Variants in SH3PXD2A observed in about 807,000 individuals in gnomAD.
SH3PXD2A encodes SH3 and PX domains 2A.
A neutral mutation model predicts 115.2 loss-of-function variants in SH3PXD2A; 32 were observed. The observed-to-expected ratio is 0.28, with a 90% CI of 0.21 to 0.37. SH3PXD2A has a LOEUF of 0.37. Ranked by LOEUF, SH3PXD2A falls within the 10% of genes least tolerant of loss-of-function variation. The pLI is 1.00. For synonymous variants in SH3PXD2A, 610 were observed against 629.1 expected, an observed-to-expected ratio of 0.97 and a Z score of 0.45; for missense variants, 1,328 against 1,498.7, an observed-to-expected ratio of 0.89 and a Z score of 1.88.
At position 103,826,654 on chromosome 10, in the gene SH3PXD2A, G is replaced by A. The variant is rs528032212; in HGVS notation, c.73-25292C>T. 4.6e-5 allele frequency among the ~76,000 whole-genome samples: 7 copies of A among 152,240 alleles called. No homozygotes were observed. In the South Asian group the frequency reaches 1.2e-3, roughly 27 times the overall value. On this transcript the variant is annotated intron_variant, in intron 1 of 14. Transcript: ENST00000369774. Reference sequence around the variant, plus strand: ...GTGAGTGTAATTCCTTCCAGGTCCCGGAGCACATTTTAGAGCCGGGCACTT... The same window carrying A: ...GTGAGTGTAATTCCTTCCAGGTCCCAGAGCACATTTTAGAGCCGGGCACTT...
intron 2 of SH3PXD2A, among the ~76,000 whole-genome samples, chr10:103,797,389 C>T (rs969172124): frequency 5.3e-5 from 8 of 152,092 alleles, no homozygotes; most frequent in Admixed American, 4.6e-4. Context: ...ACCAGGTGAT[C>T]GGTGGCGGGG....
intron 6 of SH3PXD2A, among the ~76,000 whole-genome samples, chr10:103,670,501 C>T (rs2037442380): frequency 6.6e-6 from 1 of 152,230 alleles, no homozygotes; most frequent in Non-Finnish European, 1.5e-5. Context: ...TGGGTTCAAT[C>T]AGCTCTGGGG....
intron 4 of SH3PXD2A, 36 bp from the exon 5 acceptor site, chr10:103,724,397 A>G (rs984075215): frequency 7.7e-5 from 102 of 1,327,210 alleles, no homozygotes; most frequent in Non-Finnish European, 1.0e-4. Flanking sequence ...ATTAGGTGTG[A>G]TGAACTTGGG....
intron 2 of SH3PXD2A, among the ~76,000 whole-genome samples, chr10:103,783,013 C>T (rs982061971): frequency 2.0e-5 from 3 of 151,738 alleles, no homozygotes; most frequent in South Asian, 2.1e-4. Flanking sequence ...CCTTGGGGAC[C>T]TGAGGGAAGG....
chr10:103,805,378 G>A (rs1033748708), intron 1 of SH3PXD2A, among the ~76,000 whole-genome samples: 7 of 152,194 alleles, frequency 4.6e-5, no homozygotes, highest in East Asian at 1.9e-4. Context: ...CAGCCCAGCC[G>A]CTCAGGCCTT....
chr10:103,839,726 C>G (rs1162044041), intron 1 of SH3PXD2A, among the ~76,000 whole-genome samples: 2 of 152,202 alleles, frequency 1.3e-5, no homozygotes, highest in Non-Finnish European at 2.9e-5. Flanking sequence ...TCCACAACAT[C>G]CCATGATACA....
chr10:103,820,875 G>C (rs1031425854), intron 1 of SH3PXD2A, among the ~76,000 whole-genome samples: 1 of 152,178 alleles, frequency 6.6e-6, no homozygotes, highest in Non-Finnish European at 1.5e-5. Context: ...TTAACCAAGG[G>C]GTCAGGGCCG....
At chr10:103,842,571 C>T (rs1361595953) in intron 1 of SH3PXD2A, among the ~76,000 whole-genome samples, 1 of 152,206 alleles carries the variant, frequency 6.6e-6, no homozygotes, top group African/African-American at 2.4e-5. Flanking sequence ...CTGGTAGCCG[C>T]CATTCTACTC....
At chr10:103,646,637 G>A (rs946143381) in intron 8 of SH3PXD2A, among the ~76,000 whole-genome samples, 32 of 152,268 alleles carry the variant, frequency 2.1e-4, no homozygotes, top group African/African-American at 7.7e-4. Flanking sequence ...GGGTCAGAGC[G>A]GGCAACTGTA....
intron 2 of SH3PXD2A, among the ~76,000 whole-genome samples, chr10:103,770,291 T>C (rs1443377987): frequency 6.6e-6 from 1 of 152,234 alleles, no homozygotes; most frequent in African/African-American, 2.4e-5. Flanking sequence ...TGCTGCAGCC[T>C]CAAACTCCTG....
intron 2 of SH3PXD2A, among the ~76,000 whole-genome samples, chr10:103,778,647 G>A (rs2134238457): frequency 6.6e-6 from 1 of 152,354 alleles, no homozygotes; most frequent in African/African-American, 2.4e-5. Context: ...CTTACCGTGA[G>A]TGCTAGATGA....
intron 3 of SH3PXD2A, among the ~76,000 whole-genome samples, chr10:103,759,565 G>A (rs2038677676): frequency 6.6e-6 from 1 of 152,236 alleles, no homozygotes; most frequent in South Asian, 2.1e-4. Flanking sequence ...CAGAGGGAGT[G>A]CAGCTCTTTT....
At chr10:103,724,025 C>T (rs1036207766) in intron 5 of SH3PXD2A, among the ~76,000 whole-genome samples, 6 of 152,194 alleles carry the variant, frequency 3.9e-5, no homozygotes, top group Non-Finnish European at 7.3e-5. Flanking sequence ...GTAGGAAAAT[C>T]TGCTCCACAA....
intron 6 of SH3PXD2A, among the ~76,000 whole-genome samples, chr10:103,672,837 G>A (rs143385352): frequency 6.6e-6 from 1 of 152,318 alleles, no homozygotes; most frequent in Non-Finnish European, 1.5e-5. Flanking sequence ...CCTGGAAATG[G>A]CAGGTATGCC....
chr10:103,638,971 C>T (rs1307843299), intron 8 of SH3PXD2A, among the ~76,000 whole-genome samples: 1 of 152,162 alleles, frequency 6.6e-6, no homozygotes, highest in East Asian at 1.9e-4. Context: ...TGATTCTGTG[C>T]CTGGCACGGG....
intron 1 of SH3PXD2A, among the ~76,000 whole-genome samples, chr10:103,811,166 GA>G (rs1352524009): frequency 1.3e-5 from 2 of 152,172 alleles, no homozygotes; most frequent in African/African-American, 4.8e-5. Flanking sequence ...ATGTTTCCTG[GA>G]GGGGAAATGA....
chr10:103,615,250 G>T (rs1267819035), intron 11 of SH3PXD2A, among the ~76,000 whole-genome samples: 1 of 152,222 alleles, frequency 6.6e-6, no homozygotes, highest in Non-Finnish European at 1.5e-5. Context: ...GAGCTATGGG[G>T]AGAGGGGGCT....
intron 2 of SH3PXD2A, among the ~76,000 whole-genome samples, chr10:103,794,446 T>C (rs1340971209): frequency 2.0e-5 from 3 of 152,212 alleles, no homozygotes; most frequent in Non-Finnish European, 4.4e-5. Context: ...CCCAGCGCTT[T>C]GTAGGTCAGG....
At chr10:103,642,321 G>A (rs1204514555) in intron 8 of SH3PXD2A, among the ~76,000 whole-genome samples, 5 of 152,160 alleles carry the variant, frequency 3.3e-5, no homozygotes, top group African/African-American at 9.7e-5. Context: ...CCTGTGGCCC[G>A]CTCTTTCTTT....
Sources: gnomAD v4.1 joint callset for allele counts (sites outside exome capture counted in the v4.1 genomes callset) on GRCh38, gnomAD v4.1.1 for gene constraint, MANE v1.5 for transcripts, NCBI Gene and HGNC (gene_info 2026-07-23, HGNC 2026-07-21) for gene names.